Variants in HIPK1 observed in about 807,000 individuals in gnomAD.
HIPK1 encodes homeodomain-interacting protein kinase 1.
A neutral mutation model predicts 117.1 loss-of-function variants in HIPK1; 28 were observed. The observed-to-expected ratio is 0.24, with a 90% CI of 0.18 to 0.33. HIPK1 has a LOEUF of 0.33. Among genes scored for constraint, HIPK1 ranks in the 10% least tolerant of loss-of-function variants. The pLI is 1.00. For missense variants in HIPK1, 1,122 were observed against 1,475.1 expected (o/e 0.76, Z 3.92); for synonymous variants, 605 against 562.5 (o/e 1.08, Z -1.07).
chr1:113,962,330 A>T lies in HIPK1; in HGVS notation c.1995A>T (p.Ala665=). ...CPPAFQTGLQ[A]TTKHSGFPVR... ...TGTTTTCAATAGCTGGACTACAAGCAACAACAAAGCATTCTGGATTCCCTG... is the reference window on the plus strand; with the variant it reads ...TGTTTTCAATAGCTGGACTACAAGCTACAACAAAGCATTCTGGATTCCCTG... The change falls in exon 9 of 16, where the codon GCA becomes GCT. Residue 665 remains alanine (A), a synonymous_variant. Coordinates refer to ENST00000426820, the MANE Select transcript of HIPK1 (RefSeq NM_198268.3). 6.2e-7 allele frequency: 1 copy of T among 1,613,878 alleles called. No homozygotes were observed. Among genetic ancestry groups the T allele is most frequent in the Non-Finnish European group, 8.5e-7 (1 of 1,179,854 alleles).
chr1:113,949,600 C>CTT (rs11465018), intron 2 of HIPK1, among the ~76,000 whole-genome samples: 1,538 of 133,346 alleles, frequency 0.012, 29 homozygotes, highest in African/African-American at 0.03. Context: ...CTTTTCTTTT[C>CTT]TTTTTTTTTT....
At chr1:113,952,962 T>C (rs1671464180) in intron 3 of HIPK1, 73 bp downstream of exon 3, 1 of 1,286,958 alleles carries the variant, frequency 7.8e-7, no homozygotes, top group South Asian at 2.4e-5. Context: ...GAAAGAGAAG[T>C]ACTAAGTACT....
At chr1:113,934,163 T>C (rs150574209) in intron 1 of HIPK1, among the ~76,000 whole-genome samples, 1 of 152,342 alleles carries the variant, frequency 6.6e-6, no homozygotes, top group African/African-American at 2.4e-5. Context: ...GTCATTTGGC[T>C]AACCAGCTGT....
chr1:113,947,641 ACCT>A (rs1300208389), intron 2 of HIPK1, among the ~76,000 whole-genome samples: 11 of 152,196 alleles, frequency 7.2e-5, no homozygotes, highest in African/African-American at 2.7e-4. Flanking sequence ...AGTGAAATTA[ACCT>A]CAACAATGTT....
chr1:113,929,750 A>C lies in HIPK1; in HGVS notation c.-3+218A>C, dbSNP rs1042692815. The C allele has an allele frequency of 6.4e-5, 53 of 827,360 alleles. No individual in the cohort carries two copies. In the Middle Eastern group the frequency reaches 1.8e-3, roughly 27 times the overall value. 51.3% of individuals were successfully genotyped at this position (827,360 alleles called of 1,614,324 possible). A position where few individuals can be genotyped will look rare whatever the true frequency, so the allele number is the denominator to read the frequency against. On this transcript the variant is annotated intron_variant, in intron 1 of 15. Transcript: ENST00000426820. Reference sequence around the variant, plus strand: ...GCGGCGGGAAGGGGCTGGGTGGTGGAGCGGGAGGGAGGCTGAGGAGGCTCC... The same window carrying C: ...GCGGCGGGAAGGGGCTGGGTGGTGGCGCGGGAGGGAGGCTGAGGAGGCTCC...
At chr1:113,929,651 A>G (rs1669698893) in intron 1 of HIPK1, 119 bp downstream of exon 1, 1 of 1,001,722 alleles carries the variant, frequency 1.0e-6, no homozygotes, top group Non-Finnish European at 1.3e-6. Flanking sequence ...CTGCGGAGCA[A>G]GGGGCCCGGC....
In HIPK1 at chr1:113,974,115, G is replaced by A. The variant is rs1221848911; in HGVS notation, c.*603G>A. Reference sequence around the variant, plus strand: ...TTTAATGTCATATTATACTTAATGGGCAATTGTTATTTTTGCAAAACTGGT... The same window carrying A: ...TTTAATGTCATATTATACTTAATGGACAATTGTTATTTTTGCAAAACTGGT... On this transcript the variant is annotated 3_prime_UTR_variant, in exon 16 of 16. Coordinates refer to ENST00000426820, the MANE Select transcript of HIPK1 (RefSeq NM_198268.3). 1 of 152,182 alleles carries A rather than the reference G, an allele frequency of 6.6e-6. No homozygotes were observed. 9.4% of individuals were successfully genotyped at this position (152,182 alleles called of 1,614,324 possible).
At chr1:113,937,536 A>G (rs1670333053) in intron 1 of HIPK1, among the ~76,000 whole-genome samples, 1 of 152,096 alleles carries the variant, frequency 6.6e-6, no homozygotes, top group African/African-American at 2.4e-5. Context: ...AGTTGTATTT[A>G]ATAGATATGA....
At chr1:113,969,921 ACAATT>A in intron 13 of HIPK1, 30 bp from the exon 14 acceptor site, 1 of 1,611,844 alleles carries the variant, frequency 6.2e-7, no homozygotes, top group Non-Finnish European at 8.5e-7. Flanking sequence ...ACAAAAAAGA[ACAATT>A]CAATTTTCAT....
chr1:113,939,756 G>C (rs1035723020), intron 1 of HIPK1, among the ~76,000 whole-genome samples: 1 of 152,100 alleles, frequency 6.6e-6, no homozygotes, highest in Non-Finnish European at 1.5e-5. Context: ...GAAATGGCTT[G>C]TGTGCTATGT....
In HIPK1 at chr1:113,940,695, G is replaced by T. The variant is rs772564919; in HGVS notation, c.312G>T (p.Gln104His). The change falls in exon 2 of 16, where the codon CAG (glutamine) becomes CAT (histidine). Residue 104 changes from glutamine to histidine, a missense_variant. Transcript: ENST00000426820. ...CTACATCAACCTTCCAAAGCAGCCAGACCCTGACTCACAGAAGCAACGTTT... is the reference window on the plus strand; with the variant it reads ...CTACATCAACCTTCCAAAGCAGCCATACCCTGACTCACAGAAGCAACGTTT... Reference protein sequence around the residue: ...SAATSTFQSSQTLTHRSNVSL... With the variant: ...SAATSTFQSSHTLTHRSNVSL... 3.1e-6 allele frequency: 5 copies of T among 1,614,174 alleles called. No homozygotes were observed. Among genetic ancestry groups the T allele is most frequent in the Non-Finnish European group, 4.2e-6 (5 of 1,180,026 alleles).
intron 12 of HIPK1, 144 bp downstream of exon 12, chr1:113,968,092 T>C: frequency 1.4e-6 from 1 of 701,700 alleles, no homozygotes. Flanking sequence ...TCATTTCATC[T>C]GGGCATGTAC....
At chr1:113,944,241 G>A (rs1670844477) in intron 2 of HIPK1, among the ~76,000 whole-genome samples, 3 of 124,014 alleles carry the variant, frequency 2.4e-5, no homozygotes, top group South Asian at 2.6e-4. Context: ...GTGCGATCTC[G>A]GCTCACTGCA....
At position 113,929,395 on chromosome 1, in the gene HIPK1, G is replaced by A. The variant is rs775417243; in HGVS notation, c.-140G>A. 2.0e-4 allele frequency: 262 copies of A among 1,289,308 alleles called. No individual in the cohort carries two copies. Among genetic ancestry groups the A allele is most frequent in the Admixed American group, 4.6e-5 (2 of 43,548 alleles). The allele number at this position is 1,289,308 out of a possible 1,614,324, so 79.9% of individuals were successfully genotyped here. ...CACCGCAGAGTCTGCAGTGCGGAGG[G>A]GGCGGGAAGTCCAGGCCCCGCACTC... On this transcript the variant is annotated 5_prime_UTR_variant, in exon 1 of 16. Coordinates refer to ENST00000426820, the MANE Select transcript of HIPK1 (RefSeq NM_198268.3).
At chr1:113,963,590 G>T in intron 10 of HIPK1, 69 bp downstream of exon 10, 1 of 1,527,718 alleles carries the variant, frequency 6.5e-7, no homozygotes. Flanking sequence ...GTTTTTTCCT[G>T]TTTGTTTTTG....
chr1:113,966,061 T>C, intron 10 of HIPK1, 69 bp from the exon 11 acceptor site: 1 of 1,496,064 alleles, frequency 6.7e-7, no homozygotes, highest in Non-Finnish European at 9.1e-7. Context: ...TTTTCTTTCT[T>C]TAAAAAAACA....
At chr1:113,930,047 G>C (rs1384724179) in intron 1 of HIPK1, 7 of 982,520 alleles carry the variant, frequency 7.1e-6, no homozygotes, top group Non-Finnish European at 8.5e-6. Flanking sequence ...CCAGCCTGCC[G>C]GGGGCGCCTT....
intron 1 of HIPK1, among the ~76,000 whole-genome samples, chr1:113,932,564 A>G (rs1669968910): frequency 6.6e-6 from 1 of 151,640 alleles, no homozygotes; most frequent in Non-Finnish European, 1.5e-5. Context: ...TTTTTAGTAG[A>G]GATAGGGTTT....
At chr1:113,940,305 T>G in intron 1 of HIPK1, 77 bp from the exon 2 acceptor site, 1 of 1,192,304 alleles carries the variant, frequency 8.4e-7, no homozygotes, top group Non-Finnish European at 1.2e-6. Context: ...AAAGTGTGTG[T>G]GTGTGTTTGT....
Sources: allele counts gnomAD v4.1 joint callset (sites outside exome capture counted in the v4.1 genomes callset), GRCh38; gene constraint gnomAD v4.1.1; transcripts MANE v1.5; gene names NCBI Gene and HGNC (gene_info 2026-07-23, HGNC 2026-07-21).